The following CFAP221 variants were observed in gnomAD, a reference collection of about 807,000 sequenced individuals.
The protein encoded by CFAP221 is cilia- and flagella-associated protein 221.
Under a neutral mutation model 113.1 loss-of-function variants are expected in CFAP221, and 97 were observed. The ratio of observed to expected loss-of-function variants is 0.86; its 90% confidence interval spans 0.73 to 1.02. The LOEUF is 1.02. CFAP221 is among the 50% of genes least tolerant of loss of function. CFAP221 has a pLI of 0.00. For synonymous variants in CFAP221, 331 were observed against 354.4 expected, an observed-to-expected ratio of 0.93 and a Z score of 0.74; for missense variants, 1,025 against 1,013.4, an observed-to-expected ratio of 1.01 and a Z score of -0.16.
intron 12 of CFAP221, among the ~76,000 whole-genome samples, chr2:119,610,880 C>G (rs1685100816): frequency 6.6e-6 from 1 of 152,148 alleles, no homozygotes. Context: ...AGTACGCAGT[C>G]CCCTTTCCCA....
intron 6 of CFAP221, among the ~76,000 whole-genome samples, chr2:119,575,318 G>A (rs1254644965): frequency 2.0e-5 from 3 of 151,958 alleles, no homozygotes; most frequent in Admixed American, 1.3e-4. Flanking sequence ...CCGTGTTCTC[G>A]GGCCCCAGCC....
At chr2:119,630,032 GT>G in intron 17 of CFAP221, 77 bp downstream of exon 17, 2 of 1,301,716 alleles carry the variant, frequency 1.5e-6, no homozygotes, top group Non-Finnish European at 1.1e-6. Context: ...GAATTGCAGT[GT>G]TTTATAGTTT....
intron 15 of CFAP221, chr2:119,625,892 G>C (rs1686274612): frequency 1.8e-6 from 1 of 550,408 alleles, no homozygotes; most frequent in African/African-American, 1.9e-5. Context: ...ATTTATACTT[G>C]CTGATTGACT....
At chr2:119,613,929 A>G (rs184210220) in intron 13 of CFAP221, among the ~76,000 whole-genome samples, 3 of 152,238 alleles carry the variant, frequency 2.0e-5, no homozygotes, top group East Asian at 3.9e-4. Flanking sequence ...TCCAAACCAT[A>G]TCTTCGTGAA....
chr2:119,590,504 C>T (rs1004932093), intron 7 of CFAP221, among the ~76,000 whole-genome samples: 1 of 152,198 alleles, frequency 6.6e-6, no homozygotes, highest in Non-Finnish European at 1.5e-5. Context: ...TCATGCAGCA[C>T]CTGCTCTGGG....
At chr2:119,595,532 TG>T (rs1363075263) in intron 7 of CFAP221, among the ~76,000 whole-genome samples, 1 of 152,200 alleles carries the variant, frequency 6.6e-6, no homozygotes, top group Non-Finnish European at 1.5e-5. Context: ...GCTTGGTTTC[TG>T]CCGGGCTCAC....
At chr2:119,653,053 A>G (rs375478897) in intron 23 of CFAP221, among the ~76,000 whole-genome samples, 1 of 150,608 alleles carries the variant, frequency 6.6e-6, no homozygotes, top group Non-Finnish European at 1.5e-5. Flanking sequence ...TTAAATATAT[A>G]TTTTCCATAT....
At chr2:119,547,069 T>C (rs1366457445) in intron 2 of CFAP221, among the ~76,000 whole-genome samples, 1 of 152,182 alleles carries the variant, frequency 6.6e-6, no homozygotes, top group Non-Finnish European at 1.5e-5. Flanking sequence ...CTTAACATGC[T>C]TGGTTACCCA....
intron 21 of CFAP221, among the ~76,000 whole-genome samples, chr2:119,644,619 G>A (rs1221360687): frequency 6.6e-6 from 1 of 152,112 alleles, no homozygotes; most frequent in African/African-American, 2.4e-5. Flanking sequence ...CTGGGGTGGG[G>A]CAGGGTTTGC....
At chr2:119,592,497 C>G (rs921449517) in intron 7 of CFAP221, among the ~76,000 whole-genome samples, 1 of 152,170 alleles carries the variant, frequency 6.6e-6, no homozygotes, top group Admixed American at 6.5e-5. Context: ...TTGTCTATAG[C>G]ATTTATATTC....
In CFAP221 at chr2:119,651,902, C is replaced by T. The variant is rs1033320239; in HGVS notation, c.2319-72C>T. ...AAGAATTGCATAACTCCTAAATGAT[C>T]ACAATATTTCATTCCTATTTTTACA... is the stretch of plus-strand genomic sequence containing the variant. On this transcript the variant is annotated intron_variant, in intron 22 of 23. Transcript: ENST00000413369. 4.2e-6 allele frequency: 5 copies of T among 1,193,980 alleles called. No homozygotes were observed. The Admixed American group carries it at 8.6e-5, about 20-fold the overall frequency. The allele number at this position is 1,193,980 out of a possible 1,614,324, so 74.0% of individuals were successfully genotyped here.
chr2:119,563,568 A>G (rs1019468210), intron 6 of CFAP221, among the ~76,000 whole-genome samples: 3 of 151,740 alleles, frequency 2.0e-5, no homozygotes, highest in Non-Finnish European at 2.9e-5. Flanking sequence ...CCATTGATGC[A>G]GCAACTAAGG....
chr2:119,651,874 C>G, intron 22 of CFAP221, 100 bp from the exon 23 acceptor site: 1 of 889,886 alleles, frequency 1.1e-6, no homozygotes, highest in Non-Finnish European at 1.6e-6. Flanking sequence ...AGTTGAATAC[C>G]ACAAGAATTG....
At chr2:119,561,742 G>A (rs1282276436) in intron 5 of CFAP221, among the ~76,000 whole-genome samples, 3 of 151,366 alleles carry the variant, frequency 2.0e-5, no homozygotes, top group Admixed American at 1.3e-4. Context: ...GAAGCAGATA[G>A]ATTACTGTCT....
intron 6 of CFAP221, among the ~76,000 whole-genome samples, chr2:119,564,007 G>A (rs1204816167): frequency 2.6e-5 from 4 of 152,208 alleles, no homozygotes; most frequent in African/African-American, 9.6e-5. Flanking sequence ...GATCCCTCTA[G>A]ATATAGGGCC....
At chr2:119,568,998 TC>T (rs773967393) in intron 6 of CFAP221, among the ~76,000 whole-genome samples, 1 of 152,170 alleles carries the variant, frequency 6.6e-6, no homozygotes, top group Non-Finnish European at 1.5e-5. Flanking sequence ...TGGTTTTTTT[TC>T]CTCTCAACAC....
chr2:119,557,751 A>T (rs1680915237), intron 3 of CFAP221, among the ~76,000 whole-genome samples: 1 of 152,160 alleles, frequency 6.6e-6, no homozygotes. Context: ...CTGTAATCCC[A>T]GCACTTTGGG....
In CFAP221 at chr2:119,627,710, G is replaced by A. The variant is rs556658192; in HGVS notation, c.1574G>A (p.Arg525Gln). 2.9e-5 allele frequency: 46 copies of A among 1,613,646 alleles called. No individual in the cohort carries two copies. Among genetic ancestry groups the A allele is most frequent in the South Asian group, 2.0e-4 (18 of 91,010 alleles). The change falls in exon 16 of 24, where the codon CGG (arginine) becomes CAG (glutamine). Residue 525 changes from arginine to glutamine, a missense_variant. Physicochemically the swap from Arg to Gln is conservative, Grantham distance 43. Coordinates refer to ENST00000413369, the MANE Select transcript of CFAP221 (RefSeq NM_001271049.2). ...RRISQDDYTSRFSVSPKEVLP... is the reference protein window; with the variant it reads ...RRISQDDYTSQFSVSPKEVLP... The stretch of plus-strand genomic sequence containing the variant: ...ATCAGTCAGGATGATTATACCAGCC[G>A]GTTCTCTGTGTCGCCCAAGGAGGTG...
At chr2:119,631,241 A>C (rs1456527805) in intron 19 of CFAP221, among the ~76,000 whole-genome samples, 10 of 152,254 alleles carry the variant, frequency 6.6e-5, no homozygotes. Context: ...TGGGAAATTA[A>C]CAGCACTACA....
Sources: allele counts gnomAD v4.1 joint callset (sites outside exome capture counted in the v4.1 genomes callset), GRCh38; gene constraint gnomAD v4.1.1; transcripts MANE v1.5; gene names NCBI Gene and HGNC (gene_info 2026-07-23, HGNC 2026-07-21).